The following EPHA4 variants were observed in gnomAD, a reference collection of about 807,000 sequenced individuals.
EPHA4 encodes the protein ephrin type-A receptor 4.
EPHA4 carries 19 observed loss-of-function variants against 108.3 expected under a neutral mutation model. The observed-to-expected ratio is 0.18, with a 90% confidence interval of 0.12 to 0.26. The LOEUF is 0.26. EPHA4 is among the 10% of genes least tolerant of loss of function. EPHA4 has a pLI of 1.00. For missense variants in EPHA4, 917 were observed against 1,254.0 expected, an observed-to-expected ratio of 0.73 and a Z score of 4.06; for synonymous variants, 449 against 455.5, an observed-to-expected ratio of 0.99 and a Z score of 0.18.
chr2:221,501,139 G>A lies in EPHA4; in HGVS notation c.857C>T (p.Thr286Met), dbSNP rs200225096. 1.9e-4 allele frequency: 311 copies of A among 1,611,840 alleles called. 2 individuals carry two copies. In the Admixed American group the frequency reaches 2.2e-3, roughly 11 times the overall value. ...TGGGCACTTGGCACAGGTGGCATCC[G>A]TGGAGAGAGCCTTGTAATATCCAAT... ...CKIGYYKALSTDATCAKCPPH... is the reference protein window; with the variant it reads ...CKIGYYKALSMDATCAKCPPH... Residue 286 changes from threonine to methionine, a missense_variant, in exon 4 of 18, where the codon ACG (threonine) becomes ATG (methionine). This residue lies in a region of EPHA4 where 758 missense variants were observed against 1,076.7 expected (regional missense o/e 0.70). Coordinates refer to ENST00000281821, the MANE Select transcript of EPHA4 (RefSeq NM_004438.5).
At chr2:221,504,403 C>T (rs758664888) in intron 3 of EPHA4, among the ~76,000 whole-genome samples, 1 of 151,994 alleles carries the variant, frequency 6.6e-6, no homozygotes, top group Non-Finnish European at 1.5e-5. Context: ...ATTGGCTCAC[C>T]CACTACCATA....
chr2:221,569,212 A>G (rs752273878), intron 1 of EPHA4, among the ~76,000 whole-genome samples: 2 of 152,232 alleles, frequency 1.3e-5, no homozygotes, highest in Non-Finnish European at 2.9e-5. Flanking sequence ...TGACAGAGCC[A>G]CAAGTGAATT....
chr2:221,545,221 G>A (rs1221467469), intron 3 of EPHA4, among the ~76,000 whole-genome samples: 1 of 22,768 alleles, frequency 4.4e-5, no homozygotes, highest in Non-Finnish European at 8.6e-5. Flanking sequence ...ACCGAGGTGG[G>A]CGGATCACGA....
chr2:221,521,986 AAAAC>A lies in EPHA4; in HGVS notation c.824-20818_824-20815del, dbSNP rs570148756. Among the ~76,000 whole-genome samples, 844 of 152,308 alleles carry A rather than the reference AAAAC, an allele frequency of 5.5e-3. 3 individuals carry two copies. The highest frequency in any genetic ancestry group is 0.019 in the African/African-American group (770 of 41,562). ...AGCAAGACTCCATCTCAATAAATTAAAAACAAACAAACAAAAAAACAAATAAACA... is the reference window on the plus strand; with the variant it reads ...AGCAAGACTCCATCTCAATAAATTAAAAACAAACAAAAAAACAAATAAACA... On this transcript the variant is annotated intron_variant, in intron 3 of 17. Transcript: ENST00000281821.
At position 221,482,501 on chromosome 2, in the gene EPHA4, T is replaced by C. The variant is rs1691848737; in HGVS notation, c.1169A>G (p.Gln390Arg). ...GACTTTGGTGGTCTTCAAGCCATTC[T>C]GCTGTGGGGTGTAGTGGACCCCACT... The part of the protein sequence containing the change: ...CGSGVHYTPQ[Q>R]NGLKTTKVSI... Residue 390 changes from glutamine to arginine, a missense_variant, in exon 5 of 18, where the codon CAG becomes CGG. Coordinates refer to ENST00000281821, the MANE Select transcript of EPHA4 (RefSeq NM_004438.5). The C allele has an allele frequency of 1.9e-6, 3 of 1,614,028 alleles. No individual in the cohort carries two copies. The highest frequency in any genetic ancestry group is 1.6e-4 in the Middle Eastern group (1 of 6,080).
At chr2:221,561,159 G>A (rs554069471) in intron 3 of EPHA4, among the ~76,000 whole-genome samples, 1 of 152,188 alleles carries the variant, frequency 6.6e-6, no homozygotes, top group East Asian at 1.9e-4. Context: ...GGAGAATGGA[G>A]TGAACCCGGG....
chr2:221,441,291 C>G (rs768957971), intron 11 of EPHA4, among the ~76,000 whole-genome samples: 10 of 149,574 alleles, frequency 6.7e-5, no homozygotes, highest in Admixed American at 6.7e-5. Context: ...GTGGTACTAT[C>G]GTAGCTCACT....
intron 8 of EPHA4, among the ~76,000 whole-genome samples, chr2:221,446,545 A>G (rs1431721976): frequency 2.6e-5 from 4 of 152,102 alleles, no homozygotes; most frequent in Non-Finnish European, 4.4e-5. Context: ...GTGTATATAT[A>G]TGTACATGTG....
chr2:221,514,588 C>T (rs994530055), intron 3 of EPHA4, among the ~76,000 whole-genome samples: 7 of 152,076 alleles, frequency 4.6e-5, no homozygotes, highest in African/African-American at 1.2e-4. Flanking sequence ...ACCCTGATGA[C>T]GTGTAAGTGT....
chr2:221,430,377 A>G (rs552221501), intron 14 of EPHA4, among the ~76,000 whole-genome samples: 4 of 152,126 alleles, frequency 2.6e-5, no homozygotes, highest in Non-Finnish European at 5.9e-5. Flanking sequence ...AGATGCATCA[A>G]TGTTCTCAAG....
intron 12 of EPHA4, 25 bp downstream of exon 12, chr2:221,437,036 G>A: frequency 1.3e-6 from 2 of 1,557,588 alleles, no homozygotes; most frequent in Admixed American, 1.7e-5. Context: ...AACATTCTTG[G>A]GTTTAATATA....
intron 7 of EPHA4, 67 bp downstream of exon 7, chr2:221,456,546 G>T: frequency 6.6e-7 from 1 of 1,526,022 alleles, no homozygotes. Flanking sequence ...AGATTTCACT[G>T]TAATGGGATT....
At chr2:221,464,350 T>C (rs1304494386) in intron 5 of EPHA4, among the ~76,000 whole-genome samples, 1 of 152,208 alleles carries the variant, frequency 6.6e-6, no homozygotes, top group Non-Finnish European at 1.5e-5. Flanking sequence ...CTGATTTGCT[T>C]CTTATCAAAG....
chr2:221,557,911 G>A (rs1694351084), intron 3 of EPHA4, among the ~76,000 whole-genome samples: 1 of 152,094 alleles, frequency 6.6e-6, no homozygotes, highest in Non-Finnish European at 1.5e-5. Flanking sequence ...AAATAGCAAA[G>A]CAAGGTTAAT....
chr2:221,554,062 C>A, intron 3 of EPHA4, among the ~76,000 whole-genome samples: 1 of 152,146 alleles, frequency 6.6e-6, no homozygotes, highest in East Asian at 1.9e-4. Context: ...GTAAGATCAC[C>A]TTTGAGAAGT....
chr2:221,472,101 ATTTC>A (rs759960603), intron 5 of EPHA4, among the ~76,000 whole-genome samples: 2 of 152,126 alleles, frequency 1.3e-5, no homozygotes, highest in Non-Finnish European at 2.9e-5. Context: ...TGGTTATCTT[ATTTC>A]TTTATCTTTA....
At chr2:221,443,650 C>A in intron 9 of EPHA4, 44 bp from the exon 10 acceptor site, 1 of 1,399,926 alleles carries the variant, frequency 7.1e-7, no homozygotes, top group Non-Finnish European at 1.0e-6. Context: ...TTCTAAGGAA[C>A]CACTAATAAA....
At chr2:221,534,688 T>C (rs556269782) in intron 3 of EPHA4, among the ~76,000 whole-genome samples, 1 of 152,352 alleles carries the variant, frequency 6.6e-6, no homozygotes, top group African/African-American at 2.4e-5. Flanking sequence ...GGTTCTTCTT[T>C]GTTCTACTAG....
At chr2:221,559,660 A>G (rs1694401092) in intron 3 of EPHA4, among the ~76,000 whole-genome samples, 1 of 152,232 alleles carries the variant, frequency 6.6e-6, no homozygotes, top group African/African-American at 2.4e-5. Context: ...AAACATCTGG[A>G]ACATTTCTTC....
Sources: allele counts gnomAD v4.1 joint callset (sites outside exome capture counted in the v4.1 genomes callset), GRCh38; gene constraint gnomAD v4.1.1; regional missense constraint gnomAD v4.1.1; transcripts MANE v1.5; gene names NCBI Gene and HGNC (gene_info 2026-07-23, HGNC 2026-07-21).